Variants in RAB3IL1 observed in about 807,000 individuals in gnomAD.
RAB3IL1 encodes guanine nucleotide exchange factor for Rab-3A.
RAB3IL1 carries 37 observed loss-of-function variants against 49.2 expected under a neutral mutation model. The observed-to-expected ratio is 0.75, with a 90% CI of 0.58 to 0.99. The LOEUF (loss-of-function observed/expected upper bound fraction) is 0.99. RAB3IL1 is among the 50% of genes least tolerant of loss of function. RAB3IL1 has a pLI of 0.00. For missense variants in RAB3IL1, 484 were observed against 513.0 expected (o/e 0.94, Z 0.55); for synonymous variants, 193 against 213.9 (o/e 0.90, Z 0.85).
chr11:61,908,551 G>A (rs1301768253), intron 1 of RAB3IL1, among the ~76,000 whole-genome samples: 6 of 152,248 alleles, frequency 3.9e-5, no homozygotes, highest in Admixed American at 3.9e-4. Context: ...GCTGAGGGCT[G>A]TGTTTGGCAC....
the RAB3IL1 span, among the ~76,000 whole-genome samples, chr11:61,943,233 A>G: frequency 2.6e-5 from 4 of 152,242 alleles, no homozygotes; most frequent in East Asian, 7.7e-4. Flanking sequence ...AGACAAGTCA[A>G]TAGGAAAGAA....
At position 61,906,635 on chromosome 11, in the gene RAB3IL1, G is replaced by C. The variant is rs761630425; in HGVS notation, c.488C>G (p.Thr163Arg). ...GCGGTTGGGAGAGGCTGGTGTGGAC[G>C]TGATGACCAGCGTCTTCAAGGCTGT... ...EVTALKTLVI[T>R]STPASPNREL... The change falls in exon 5 of 10, where the codon ACG (threonine) becomes AGG (arginine). Residue 163 changes from threonine to arginine, a missense_variant. Transcript: ENST00000394836. The surrounding 1 kb of genome is among the most constrained non-coding windows in gnomAD (Gnocchi z 4.6). 1.9e-6 allele frequency: 3 copies of C among 1,611,370 alleles called. No individual in the cohort carries two copies. Among genetic ancestry groups the C allele is most frequent in the Non-Finnish European group, 2.5e-6 (3 of 1,179,180 alleles).
upstream of RAB3IL1, among the ~76,000 whole-genome samples, chr11:61,918,852 T>C (rs1939819229): frequency 6.6e-6 from 1 of 152,208 alleles, no homozygotes; most frequent in Non-Finnish European, 1.5e-5. Context: ...TCTAGAATCA[T>C]TCAGCCCAGG....
At chr11:61,920,004 C>T (rs1375442106), upstream of RAB3IL1, 35 of 1,227,978 alleles carry the variant, frequency 2.9e-5, no homozygotes, top group Middle Eastern at 6.2e-4. Flanking sequence ...CTTGCCAAGA[C>T]TCCCCCTCCC....
chr11:61,931,219 G>A, the RAB3IL1 span, among the ~76,000 whole-genome samples: 1 of 152,162 alleles, frequency 6.6e-6, no homozygotes, highest in Non-Finnish European at 1.5e-5. Flanking sequence ...TTATTCTCTG[G>A]AGAAGGCAAA....
At chr11:61,909,673 C>G (rs1406630359) in intron 1 of RAB3IL1, among the ~76,000 whole-genome samples, 1 of 152,240 alleles carries the variant, frequency 6.6e-6, no homozygotes, top group African/African-American at 2.4e-5. Context: ...TCCTAATACT[C>G]CTGTTTGGGG....
At chr11:61,935,806 C>G in the RAB3IL1 span, among the ~76,000 whole-genome samples, 2 of 152,064 alleles carry the variant, frequency 1.3e-5, no homozygotes, top group Non-Finnish European at 2.9e-5. Context: ...TGAGCCACCA[C>G]ACCTGGCCTA....
chr11:61,901,937 G>A (rs950295717), intron 8 of RAB3IL1, among the ~76,000 whole-genome samples: 3 of 152,206 alleles, frequency 2.0e-5, no homozygotes, highest in African/African-American at 4.8e-5. Context: ...TTGTTACACC[G>A]TAATAGCAAA....
chr11:61,929,534 A>T, the RAB3IL1 span, among the ~76,000 whole-genome samples: 1 of 151,930 alleles, frequency 6.6e-6, no homozygotes, highest in African/African-American at 2.4e-5. Context: ...TTTAAAAAAA[A>T]ATGTATGATC....
chr11:61,902,569 G>C, intron 7 of RAB3IL1, 28 bp from the exon 8 acceptor site: 1 of 1,555,000 alleles, frequency 6.4e-7, no homozygotes, highest in Non-Finnish European at 8.7e-7. Context: ...GGGTCACGGG[G>C]GCTGGCTGGG....
chr11:61,903,104 T>C (rs767271626), intron 7 of RAB3IL1, among the ~76,000 whole-genome samples: 33 of 151,982 alleles, frequency 2.2e-4, no homozygotes, highest in Non-Finnish European at 4.4e-4. Context: ...GCCACCCACA[T>C]GAAGGGTCTC....
upstream of RAB3IL1, among the ~76,000 whole-genome samples, chr11:61,923,993 G>A (rs922214832): frequency 3.9e-5 from 6 of 152,120 alleles, no homozygotes; most frequent in South Asian, 2.1e-4. Context: ...GGAGGCGGCC[G>A]AATGGGGTCA....
At chr11:61,911,342 T>C (rs1409517401) in intron 1 of RAB3IL1, among the ~76,000 whole-genome samples, 2 of 152,174 alleles carry the variant, frequency 1.3e-5, no homozygotes, top group African/African-American at 4.8e-5. Flanking sequence ...TGACCTGCCC[T>C]TGGAGGGTAG....
At chr11:61,899,746 T>A (rs1343754709) in intron 8 of RAB3IL1, 1 of 226,958 alleles carries the variant, frequency 4.4e-6, no homozygotes, top group East Asian at 1.0e-4. Flanking sequence ...CCGGGCAGGC[T>A]GTCCCGGAGT....
chr11:61,902,375 G>A (rs949359437), intron 8 of RAB3IL1, 67 bp downstream of exon 8: 2 of 1,350,314 alleles, frequency 1.5e-6, no homozygotes, highest in African/African-American at 2.9e-5. Context: ...CCCAGGCCCA[G>A]GGCCCAGTGT....
chr11:61,911,963 T>C (rs536622704), intron 1 of RAB3IL1, among the ~76,000 whole-genome samples: 1 of 152,322 alleles, frequency 6.6e-6, no homozygotes, highest in African/African-American at 2.4e-5. Flanking sequence ...CTAGACTCCG[T>C]GGCCCTCGGT....
chr11:61,904,689 G>A, intron 6 of RAB3IL1, 31 bp from the exon 7 acceptor site: 3 of 1,597,100 alleles, frequency 1.9e-6, no homozygotes, highest in Non-Finnish European at 2.6e-6. Context: ...AGGCAGGGTG[G>A]TAAGGGGCTG....
rs545730893 is a variant in RAB3IL1 at position 61,904,550 on chromosome 11, T to C, written c.895A>G (p.Thr299Ala). Residue 299 changes from threonine (T) to alanine (A), a missense_variant, in exon 7 of 10, where the codon ACC (threonine) becomes GCC (alanine). Thr to Ala is a moderately conservative substitution (Grantham distance 58, BLOSUM62 0). Coordinates refer to ENST00000394836, the MANE Select transcript of RAB3IL1 (RefSeq NM_013401.4). ...VKVAEVDCSS[T>A]NTCALSGLTR... ...GAGCTAAGACCCTCAGCTTACTTGG[T>C]GCTGCTACAGTCAACCTCGGCCACC... is the stretch of plus-strand genomic sequence containing the variant. The C allele has an allele frequency of 2.5e-6, 4 of 1,607,760 alleles. No homozygotes were observed. The South Asian group carries it at 3.3e-5, about 13-fold the overall frequency.
intron 5 of RAB3IL1, 116 bp from the exon 6 acceptor site, chr11:61,904,998 C>T: frequency 1.3e-6 from 1 of 757,544 alleles, no homozygotes. Context: ...AGCAAGCCAG[C>T]AGGTCGATCC....
Sources: allele counts gnomAD v4.1 joint callset (sites outside exome capture counted in the v4.1 genomes callset), GRCh38; gene constraint gnomAD v4.1.1; non-coding constraint Gnocchi (gnomAD v3.1); transcripts MANE v1.5; gene names NCBI Gene and HGNC (gene_info 2026-07-23, HGNC 2026-07-21).